The following ME3 variants were observed in gnomAD, a reference collection of about 807,000 sequenced individuals.
The protein encoded by ME3 is NADP-dependent malic enzyme, mitochondrial.
In ME3, 48 loss-of-function variants were observed where a neutral mutation model predicts 68.9. The observed-to-expected ratio is 0.70, with a 90% confidence interval of 0.55 to 0.89. The LOEUF (loss-of-function observed/expected upper bound fraction) is 0.89, where lower values mean the gene tolerates loss of function less well. Ranked by LOEUF, ME3 falls within the 40% of genes least tolerant of loss-of-function variation. The probability of loss-of-function intolerance (pLI) is 0.00; values close to 1 mark genes in which losing one functional copy is unlikely to be tolerated. For synonymous variants in ME3, 320 were observed against 318.8 expected (o/e 1.00, Z -0.04); for missense variants, 675 against 797.4 (o/e 0.85, Z 1.85).
intron 8 of ME3, 130 bp downstream of exon 8, chr11:86,464,959 TTC>T (rs1351495673): frequency 1.5e-5 from 10 of 673,864 alleles, no homozygotes; most frequent in Non-Finnish European, 2.7e-5. Context: ...AAGTTTAATA[TTC>T]TTTTTTCAAC....
chr11:86,626,251 C>T (rs1943658403), intron 2 of ME3, among the ~76,000 whole-genome samples: 1 of 152,172 alleles, frequency 6.6e-6, no homozygotes, highest in Non-Finnish European at 1.5e-5. Flanking sequence ...AGTGAGAGAA[C>T]AAAAGCCTGG....
chr11:86,583,565 A>C (rs749334306), intron 2 of ME3, among the ~76,000 whole-genome samples: 4 of 152,302 alleles, frequency 2.6e-5, no homozygotes, highest in Admixed American at 6.5e-5. Flanking sequence ...CCAATTAATT[A>C]ATTCATTCGA....
intron 4 of ME3, among the ~76,000 whole-genome samples, chr11:86,521,591 G>T (rs1451976354): frequency 3.3e-5 from 5 of 152,110 alleles, no homozygotes; most frequent in Non-Finnish European, 5.9e-5. Flanking sequence ...GTTTGTCAAA[G>T]GTATGAATGT....
chr11:86,589,221 G>A (rs1462868526), intron 2 of ME3, among the ~76,000 whole-genome samples: 2 of 152,100 alleles, frequency 1.3e-5, no homozygotes, highest in African/African-American at 4.8e-5. Flanking sequence ...TTTACTGCAA[G>A]TGTTTGTTTA....
At chr11:86,487,547 A>G (rs1230063994) in intron 6 of ME3, 107 bp from the exon 7 acceptor site, 25 of 849,430 alleles carry the variant, frequency 2.9e-5, no homozygotes, top group Non-Finnish European at 2.8e-5. Flanking sequence ...GTGGGAGGAG[A>G]GGGGGGAGTA....
At chr11:86,494,674 G>A (rs960589126) in intron 6 of ME3, among the ~76,000 whole-genome samples, 1 of 148,054 alleles carries the variant, frequency 6.8e-6, no homozygotes, top group African/African-American at 2.7e-5. Flanking sequence ...ACCAGAAGGA[G>A]AAGCAGACGC....
intron 2 of ME3, among the ~76,000 whole-genome samples, chr11:86,644,173 C>G (rs553244770): frequency 1.3e-5 from 2 of 152,186 alleles, no homozygotes; most frequent in African/African-American, 2.4e-5. Flanking sequence ...CCCGGTTGCT[C>G]TACCTTCTAA....
At chr11:86,612,117 GT>G (rs2135201660) in intron 2 of ME3, among the ~76,000 whole-genome samples, 1 of 152,234 alleles carries the variant, frequency 6.6e-6, no homozygotes, top group African/African-American at 2.4e-5. Flanking sequence ...CTGTATCCAT[GT>G]GTTCTAATTT....
At chr11:86,495,477 T>A (rs757434469) in intron 6 of ME3, among the ~76,000 whole-genome samples, 4 of 152,204 alleles carry the variant, frequency 2.6e-5, no homozygotes, top group Non-Finnish European at 4.4e-5. Context: ...CTCAATCTGT[T>A]CCAATTCTTG....
chr11:86,460,267 G>A (rs1950165824), intron 8 of ME3, among the ~76,000 whole-genome samples: 1 of 152,226 alleles, frequency 6.6e-6, no homozygotes, highest in South Asian at 2.1e-4. Flanking sequence ...TCTGAGCTGG[G>A]GTGGGAGGCA....
chr11:86,512,551 GA>G (rs1295453015), intron 4 of ME3, among the ~76,000 whole-genome samples: 4 of 152,216 alleles, frequency 2.6e-5, no homozygotes, highest in Non-Finnish European at 5.9e-5. Flanking sequence ...GAAAAGTGTT[GA>G]ATAAAGCTGG....
chr11:86,668,895 C>T (rs1946740200), intron 2 of ME3, among the ~76,000 whole-genome samples: 1 of 152,188 alleles, frequency 6.6e-6, no homozygotes, highest in African/African-American at 2.4e-5. Context: ...CATTACCTGG[C>T]CTGGAAGGGC....
At chr11:86,497,409 C>T (rs1294568599) in intron 6 of ME3, among the ~76,000 whole-genome samples, 1 of 152,182 alleles carries the variant, frequency 6.6e-6, no homozygotes, top group Non-Finnish European at 1.5e-5. Flanking sequence ...GTTCCCAGAG[C>T]AGAGAAACCC....
At chr11:86,462,680 G>T in intron 8 of ME3, 1 of 1,021,060 alleles carries the variant, frequency 9.8e-7, no homozygotes, top group Non-Finnish European at 1.3e-6. Context: ...GCTGGGAGCT[G>T]GGGAACAAGA....
chr11:86,507,698 C>T (rs138990373), intron 5 of ME3, among the ~76,000 whole-genome samples: 1 of 152,268 alleles, frequency 6.6e-6, no homozygotes, highest in East Asian at 1.9e-4. Context: ...TAAAAATTAA[C>T]ATCACTAGGC....
intron 2 of ME3, among the ~76,000 whole-genome samples, chr11:86,661,103 G>T (rs1946245508): frequency 1.3e-5 from 2 of 152,208 alleles, no homozygotes; most frequent in Non-Finnish European, 1.5e-5. Flanking sequence ...TTGCATGCTG[G>T]CTATGAGATG....
intron 2 of ME3, among the ~76,000 whole-genome samples, chr11:86,599,401 A>G (rs1392157330): frequency 2.0e-5 from 3 of 152,194 alleles, no homozygotes; most frequent in African/African-American, 4.8e-5. Context: ...AGTTTAGAGA[A>G]AAAAGAATAA....
At chr11:86,648,980 C>A (rs1338336606) in intron 2 of ME3, among the ~76,000 whole-genome samples, 4 of 151,748 alleles carry the variant, frequency 2.6e-5, no homozygotes, top group Non-Finnish European at 5.9e-5. Flanking sequence ...CCAGAATCAT[C>A]CTGATACCAA....
At chr11:86,498,998 A>G (rs1038951814) in intron 5 of ME3, among the ~76,000 whole-genome samples, 4 of 152,174 alleles carry the variant, frequency 2.6e-5, no homozygotes, top group Non-Finnish European at 5.9e-5. Context: ...TATATTAATA[A>G]TCATGATTCT....
Sources: allele counts gnomAD v4.1 joint callset (sites outside exome capture counted in the v4.1 genomes callset), GRCh38; gene constraint gnomAD v4.1.1; transcripts MANE v1.5; gene names NCBI Gene and HGNC (gene_info 2026-07-23, HGNC 2026-07-21).